The following DSCAML1 variants were observed in gnomAD, a reference collection of about 807,000 sequenced individuals.
DSCAML1 encodes the protein cell adhesion molecule DSCAML1.
DSCAML1 carries 38 observed loss-of-function variants against 200.5 expected under a neutral mutation model. The ratio of observed to expected loss-of-function variants is 0.19; its 90% confidence interval spans 0.15 to 0.25. DSCAML1 has a LOEUF of 0.25. Among genes scored for constraint, DSCAML1 ranks in the 10% least tolerant of loss-of-function variants. The pLI is 1.00. For missense variants in DSCAML1, 2,223 were observed against 2,858.8 expected, an observed-to-expected ratio of 0.78 and a Z score of 5.07; for synonymous variants, 1,215 against 1,165.0, an observed-to-expected ratio of 1.04 and a Z score of -0.87.
chr11:117,778,480 G>A (rs548854940), intron 2 of DSCAML1, among the ~76,000 whole-genome samples: 5 of 152,202 alleles, frequency 3.3e-5, no homozygotes, highest in Non-Finnish European at 1.5e-5. Flanking sequence ...CCTGGACAAG[G>A]GTTGGTTAAC....
intron 3 of DSCAML1, among the ~76,000 whole-genome samples, chr11:117,704,094 G>C (rs747094321): frequency 4.3e-5 from 6 of 138,454 alleles, no homozygotes; most frequent in Non-Finnish European, 7.8e-5. Flanking sequence ...GAAGGAGAAA[G>C]TATGAGACAA....
intron 3 of DSCAML1, among the ~76,000 whole-genome samples, chr11:117,730,880 T>C (rs1214482960): frequency 6.6e-6 from 1 of 152,160 alleles, no homozygotes. Flanking sequence ...AAAACATTCT[T>C]CTAAGTGAAA....
chr11:117,807,036 TG>T, intron 1 of DSCAML1, among the ~76,000 whole-genome samples: 1 of 152,350 alleles, frequency 6.6e-6, no homozygotes, highest in East Asian at 1.9e-4. Context: ...CAATACTTTT[TG>T]CCTCCTGACT....
At chr11:117,616,532 AATGAATGAATCTCCC>A (rs2051814555) in intron 3 of DSCAML1, among the ~76,000 whole-genome samples, 1 of 152,342 alleles carries the variant, frequency 6.6e-6, no homozygotes, top group East Asian at 1.9e-4. Flanking sequence ...TCCAGTTTTG[AATGAATGAATCTCCC>A]ATGAATGAAT....
intron 1 of DSCAML1, among the ~76,000 whole-genome samples, chr11:117,790,473 T>G (rs2055440321): frequency 6.6e-6 from 1 of 152,204 alleles, no homozygotes; most frequent in Admixed American, 6.5e-5. Context: ...ATTCTCCATA[T>G]GTTGGGGCCC....
At chr11:117,547,363 G>A (rs1352874558) in intron 3 of DSCAML1, among the ~76,000 whole-genome samples, 2 of 152,202 alleles carry the variant, frequency 1.3e-5, no homozygotes, top group African/African-American at 2.4e-5. Flanking sequence ...CTGCACGGCG[G>A]CAGGGAAGGG....
intron 3 of DSCAML1, among the ~76,000 whole-genome samples, chr11:117,581,468 C>T (rs1416110336): frequency 6.6e-6 from 1 of 152,186 alleles, no homozygotes; most frequent in Non-Finnish European, 1.5e-5. Flanking sequence ...TCTCCCCAAC[C>T]CCAGCTCCTG....
At chr11:117,616,698 G>A (rs1399910507) in intron 3 of DSCAML1, among the ~76,000 whole-genome samples, 1 of 152,180 alleles carries the variant, frequency 6.6e-6, no homozygotes, top group East Asian at 1.9e-4. Flanking sequence ...TGGGGTGCTG[G>A]TGATATTCTA....
At chr11:117,635,447 G>GGTGTGTGTGTGTGT (rs201976004) in intron 3 of DSCAML1, among the ~76,000 whole-genome samples, 1 of 146,654 alleles carries the variant, frequency 6.8e-6, no homozygotes, top group East Asian at 2.0e-4. Context: ...TAGTGTGTGT[G>GGTGTGTGTGTGTGT]GTGTGTGTGT....
Position 117,758,654 on chromosome 11 carries a change from G to C in DSCAML1, c.511+18137C>G, listed in dbSNP as rs528625306. Reference sequence around the variant, plus strand: ...CCTGACCTCGTGATCCGCCCACCTCGGCCTCCCAAAGTGCTGGGATTACAG... The same window carrying C: ...CCTGACCTCGTGATCCGCCCACCTCCGCCTCCCAAAGTGCTGGGATTACAG... On this transcript the variant is annotated intron_variant, in intron 3 of 32. Transcript: ENST00000651296. Among the ~76,000 whole-genome samples the C allele has an allele frequency of 7.9e-5, 12 of 152,052 alleles. No individual in the cohort carries two copies. The South Asian group carries it at 2.5e-3, about 32-fold the overall frequency.
chr11:117,644,459 G>T (rs1379336235), intron 3 of DSCAML1, among the ~76,000 whole-genome samples: 1 of 152,214 alleles, frequency 6.6e-6, no homozygotes, highest in Non-Finnish European at 1.5e-5. Flanking sequence ...CCACGCATGT[G>T]AGCTGGCACC....
At chr11:117,751,125 G>C (rs1424516102) in intron 3 of DSCAML1, among the ~76,000 whole-genome samples, 1 of 152,130 alleles carries the variant, frequency 6.6e-6, no homozygotes, top group East Asian at 1.9e-4. Context: ...GCGCAGGCGT[G>C]TTGTTGGCAC....
chr11:117,495,256 G>T (rs2049268772), intron 11 of DSCAML1, among the ~76,000 whole-genome samples: 1 of 152,180 alleles, frequency 6.6e-6, no homozygotes. Context: ...AGGTGCAGGA[G>T]TGTGCAAAGA....
intron 3 of DSCAML1, among the ~76,000 whole-genome samples, chr11:117,719,523 T>C (rs890566613): frequency 6.6e-6 from 1 of 152,230 alleles, no homozygotes; most frequent in African/African-American, 2.4e-5. Context: ...TAATATGCAG[T>C]CCAGTTGCAA....
intron 3 of DSCAML1, among the ~76,000 whole-genome samples, chr11:117,699,292 G>A (rs1591414475): frequency 6.6e-6 from 1 of 152,190 alleles, no homozygotes; most frequent in South Asian, 2.1e-4. Context: ...GGCTGCCCCC[G>A]GGAGGAATTA....
intron 32 of DSCAML1, 78 bp downstream of exon 32, chr11:117,430,644 A>G: frequency 6.8e-7 from 1 of 1,479,974 alleles, no homozygotes; most frequent in Admixed American, 2.0e-5. Context: ...TGCTGGCAGA[A>G]CTAGATCTAG....
chr11:117,568,422 G>A (rs542533578), intron 3 of DSCAML1, among the ~76,000 whole-genome samples: 192 of 152,302 alleles, frequency 1.3e-3, no homozygotes, highest in African/African-American at 4.4e-3. Flanking sequence ...TAGGAAAAGA[G>A]GAAGTCAAAT....
chr11:117,534,758 C>T (rs1385032981), intron 3 of DSCAML1, among the ~76,000 whole-genome samples: 3 of 152,146 alleles, frequency 2.0e-5, no homozygotes, highest in South Asian at 4.2e-4. Context: ...CACAGTCATG[C>T]ACCACCACAA....
chr11:117,505,458 C>G lies in DSCAML1; in HGVS notation c.2058G>C (p.Val686=). 1.2e-6 allele frequency: 2 copies of G among 1,609,826 alleles called. No individual in the cohort carries two copies. Among genetic ancestry groups the G allele is most frequent in the Non-Finnish European group, 8.5e-7 (1 of 1,179,802 alleles). ...GGCTGGCCTGTCCCTGCTCACCACG[C>G]ACGATGAGCTGGCGCTCCCGGCTCA... The part of the protein sequence containing the change: ...ATVSRERQLI[V]RVPPRFVVQP... Residue 686 remains valine, a synonymous_variant, in exon 9 of 33, where the codon GTG becomes GTC. Transcript: ENST00000651296. This position sits in a 1 kb window ranked among gnomAD's most constrained non-coding sequence, Gnocchi z 6.7.
Sources: gnomAD v4.1 joint callset for allele counts (sites outside exome capture counted in the v4.1 genomes callset) on GRCh38, gnomAD v4.1.1 for gene constraint, Gnocchi (gnomAD v3.1) non-coding constraint, MANE v1.5 for transcripts, NCBI Gene and HGNC (gene_info 2026-07-23, HGNC 2026-07-21) for gene names.